The following SLC25A28 variants were observed in gnomAD, a reference collection of about 807,000 sequenced individuals.
SLC25A28 encodes the protein solute carrier family 25 member 28.
Under a neutral mutation model 31.9 loss-of-function variants are expected in SLC25A28, and 10 were observed. The ratio of observed to expected loss-of-function variants is 0.31; its 90% confidence interval spans 0.19 to 0.53. SLC25A28 has a LOEUF of 0.53. Among genes scored for constraint, SLC25A28 ranks in the 20% least tolerant of loss-of-function variants. The pLI is 0.95. For synonymous variants in SLC25A28, 208 were observed against 203.6 expected (o/e 1.02, Z -0.19); for missense variants, 256 against 490.3 (o/e 0.52, Z 4.51).
the SLC25A28 span, among the ~76,000 whole-genome samples, chr10:99,628,131 C>T: frequency 7.9e-5 from 12 of 152,132 alleles, no homozygotes; most frequent in Non-Finnish European, 1.3e-4. Flanking sequence ...TTAAGTGGCA[C>T]ATTTATGGCA....
At chr10:99,657,518 A>G in the SLC25A28 span, among the ~76,000 whole-genome samples, 1 of 152,144 alleles carries the variant, frequency 6.6e-6, no homozygotes, top group African/African-American at 2.4e-5. Context: ...AAAACTGAGA[A>G]CTGAGAATTG....
chr10:99,632,980 G>A, the SLC25A28 span, among the ~76,000 whole-genome samples: 1 of 152,116 alleles, frequency 6.6e-6, no homozygotes, highest in African/African-American at 2.4e-5. Flanking sequence ...ATACAAAAAC[G>A]ATAAGCTATC....
chr10:99,612,201 A>T (rs2034541732), intron 3 of SLC25A28, among the ~76,000 whole-genome samples: 1 of 152,222 alleles, frequency 6.6e-6, no homozygotes, highest in Admixed American at 6.5e-5. Flanking sequence ...AAGGGGGAAA[A>T]AAAAAGTCAG....
the SLC25A28 span, among the ~76,000 whole-genome samples, chr10:99,643,153 C>T: frequency 1.3e-5 from 2 of 152,156 alleles, no homozygotes; most frequent in African/African-American, 4.8e-5. Flanking sequence ...ACCAGCTCCT[C>T]TTTGTACCTC....
the SLC25A28 span, among the ~76,000 whole-genome samples, chr10:99,630,143 CTT>C: frequency 6.6e-6 from 1 of 151,974 alleles, no homozygotes; most frequent in Non-Finnish European, 1.5e-5. Flanking sequence ...TTTCTTTTCT[CTT>C]TGAGACGGAG....
At chr10:99,658,238 C>T in the SLC25A28 span, among the ~76,000 whole-genome samples, 1 of 152,098 alleles carries the variant, frequency 6.6e-6, no homozygotes, top group Non-Finnish European at 1.5e-5. Flanking sequence ...GGCTTTGAGT[C>T]GGCCAAATGC....
At chr10:99,653,879 G>T in the SLC25A28 span, 1 of 152,156 alleles carries the variant, frequency 6.6e-6, no homozygotes, top group Non-Finnish European at 1.5e-5. Context: ...GTGGCATCAG[G>T]TCCAGTCAGA....
At chr10:99,640,767 C>G in the SLC25A28 span, among the ~76,000 whole-genome samples, 2 of 151,518 alleles carry the variant, frequency 1.3e-5, no homozygotes, top group African/African-American at 4.9e-5. Flanking sequence ...ATCCTGTGTC[C>G]AAGTGTTCTC....
chr10:99,616,697 G>T (rs1287064241), intron 1 of SLC25A28: 1 of 985,254 alleles, frequency 1.0e-6, no homozygotes, highest in Non-Finnish European at 1.2e-6. Context: ...TGCCTTGCCT[G>T]GTTCTTGTAA....
At chr10:99,646,465 T>C in the SLC25A28 span, among the ~76,000 whole-genome samples, 1 of 152,338 alleles carries the variant, frequency 6.6e-6, no homozygotes, top group South Asian at 2.1e-4. Context: ...TGTCACGGCT[T>C]CCCTTGGCTA....
chr10:99,615,764 T>C, intron 1 of SLC25A28: 1 of 985,420 alleles, frequency 1.0e-6, no homozygotes, highest in South Asian at 4.7e-5. Flanking sequence ...TAAGCAAAGA[T>C]AAATTGAGCC....
chr10:99,645,241 C>T, the SLC25A28 span, among the ~76,000 whole-genome samples: 3 of 152,282 alleles, frequency 2.0e-5, no homozygotes, highest in African/African-American at 4.8e-5. Flanking sequence ...TTCTTGGAGG[C>T]TTTGTTAGTG....
the SLC25A28 span, among the ~76,000 whole-genome samples, chr10:99,639,533 C>T: frequency 6.6e-6 from 1 of 151,844 alleles, no homozygotes; most frequent in Non-Finnish European, 1.5e-5. Context: ...AAGGAATGCC[C>T]AATTTTAAAC....
chr10:99,655,613 A>T, the SLC25A28 span, among the ~76,000 whole-genome samples: 1 of 152,010 alleles, frequency 6.6e-6, no homozygotes, highest in African/African-American at 2.4e-5. Context: ...TTTTTCTTTC[A>T]ATAATTTTGG....
the SLC25A28 span, among the ~76,000 whole-genome samples, chr10:99,626,752 G>A: frequency 6.6e-6 from 1 of 150,830 alleles, no homozygotes; most frequent in Non-Finnish European, 1.5e-5. Context: ...GGGATATTCT[G>A]TGTACATAAA....
At chr10:99,627,444 GTT>G in the SLC25A28 span, among the ~76,000 whole-genome samples, 7 of 139,818 alleles carry the variant, frequency 5.0e-5, no homozygotes, top group Admixed American at 1.4e-4. Context: ...TATTCATCTT[GTT>G]TTTTTTTTTT....
rs773337753 is a variant in SLC25A28, at chr10:99,611,172, G to A, written c.772C>T (p.Arg258Trp). Residue 258 changes from arginine to tryptophan, a missense_variant, in exon 4 of 4, where the codon CGG becomes TGG. Physicochemically the swap from Arg to Trp is moderately radical, Grantham distance 101. Around this residue, in one of 4 missense-constraint regions of SLC25A28, gnomAD observed 158 missense variants for 379.1 expected, o/e 0.42. Transcript: ENST00000370495. The surrounding 1 kb of genome is among the most constrained non-coding windows in gnomAD (Gnocchi z 5.5). ...AGGACGTGGGAGCTTGGGTTGTACC[G>A]TCTCTGGGGGTTAAAGTGCTCCTGC... ...FLQEHFNPQRRYNPSSHVLSG... is the reference protein window; with the variant it reads ...FLQEHFNPQRWYNPSSHVLSG... The A allele has an allele frequency of 5.0e-6, 8 of 1,614,066 alleles. No individual in the cohort carries two copies. Among genetic ancestry groups the A allele is most frequent in the South Asian group, 2.2e-5 (2 of 91,090 alleles).
chr10:99,622,918 C>T (rs1463192419), upstream of SLC25A28, among the ~76,000 whole-genome samples: 2 of 152,080 alleles, frequency 1.3e-5, no homozygotes, highest in Non-Finnish European at 2.9e-5. Flanking sequence ...CAGACATAGT[C>T]CATGTTCTCA....
the SLC25A28 span, among the ~76,000 whole-genome samples, chr10:99,653,276 C>T: frequency 6.6e-6 from 1 of 152,296 alleles, no homozygotes; most frequent in East Asian, 1.9e-4. Context: ...GGGAAGCCAG[C>T]TACCATGTAA....
Sources: gnomAD v4.1 joint callset for allele counts (sites outside exome capture counted in the v4.1 genomes callset) on GRCh38, gnomAD v4.1.1 for gene constraint, gnomAD v4.1.1 regional missense constraint, Gnocchi (gnomAD v3.1) non-coding constraint, MANE v1.5 for transcripts, NCBI Gene and HGNC (gene_info 2026-07-23, HGNC 2026-07-21) for gene names.